The following KRIT1 variants were observed in gnomAD, a reference collection of about 807,000 sequenced individuals.
KRIT1 encodes KRIT1 ankyrin repeat containing.
In KRIT1, 45 loss-of-function variants were observed where a neutral mutation model predicts 95.8. The observed-to-expected ratio is 0.47, with a 90% CI of 0.37 to 0.60. The LOEUF is 0.60. KRIT1 is among the 20% of genes least tolerant of loss of function. The pLI is 0.00. For missense variants in KRIT1, 788 were observed against 877.5 expected (o/e 0.90, Z 1.29); for synonymous variants, 282 against 278.8 (o/e 1.01, Z -0.11).
rs891290221 is a variant in KRIT1, at chr7:92,222,857, T to C, written c.1376A>G (p.Gln459Arg). Reference protein sequence around the residue: ...EGMRLSQETQQYFTIWICSEN... With the variant: ...EGMRLSQETQRYFTIWICSEN... ...TGAACAAATCCATATAGTGAAATAT[T>C]GCTGAGTTTCTTGAGAGAGACGCAT... The change falls in exon 13 of 19, where the codon CAA (glutamine) becomes CGA (arginine). Residue 459 changes from glutamine to arginine, a missense_variant. Transcript: ENST00000394505. 2 of 1,608,458 alleles carry C rather than the reference T, an allele frequency of 1.2e-6. No individual in the cohort carries two copies. The highest frequency in any genetic ancestry group is 1.7e-5 in the Admixed American group (1 of 59,988).
At chr7:92,220,480 T>A (rs1452283362) in intron 14 of KRIT1, among the ~76,000 whole-genome samples, 1 of 152,178 alleles carries the variant, frequency 6.6e-6, no homozygotes, top group Non-Finnish European at 1.5e-5. Flanking sequence ...ACAAAATGTT[T>A]ACCAAGTTTG....
At position 92,214,683 on chromosome 7, in the gene KRIT1, G is replaced by A. The variant is rs1368297691; in HGVS notation, c.1658C>T (p.Thr553Ile). The A allele has an allele frequency of 1.9e-6, 3 of 1,611,104 alleles. No homozygotes were observed. The highest frequency in any genetic ancestry group is 3.3e-5 in the Admixed American group (2 of 59,990). Residue 553 changes from threonine to isoleucine, a missense_variant, in exon 15 of 19, where the codon ACA (threonine) becomes ATA (isoleucine). Transcript: ENST00000394505. ...FYTAPDAKLI[T>I]LASLLLQIVY... ...TATTTGCAAAAGCAGACTTGCCAAT[G>A]TTATCAGCTTAGCATCAGGAGCTGT... is the stretch of plus-strand genomic sequence containing the variant.
In KRIT1 at chr7:92,201,642, C is replaced by T. The variant is rs549020661; in HGVS notation, c.2026-219G>A. The T allele has an allele frequency of 1.3e-4, 62 of 479,518 alleles. No individual in the cohort carries two copies. In the East Asian group the frequency reaches 1.8e-3, roughly 14 times the overall value. 29.7% of individuals were successfully genotyped at this position (479,518 alleles called of 1,614,324 possible). ...TGGTGGTTTGCTGCACCCATCAACC[C>T]GTCACCTACATTAGATATTTCTCCT... On this transcript the variant is annotated intron_variant, in intron 17 of 18. Transcript: ENST00000394505.
chr7:92,217,985 T>C (rs764263519), intron 14 of KRIT1, among the ~76,000 whole-genome samples: 2 of 152,202 alleles, frequency 1.3e-5, no homozygotes, highest in South Asian at 4.1e-4. Flanking sequence ...TTAATTTGCA[T>C]TTCCCTAATA....
chr7:92,225,952 T>TTGTG, intron 11 of KRIT1, 125 bp from the exon 12 acceptor site: 1 of 650,890 alleles, frequency 1.5e-6, no homozygotes, highest in South Asian at 1.8e-5. Context: ...AAGTAAATAT[T>TTGTG]AACCACACTT....
chr7:92,226,659 C>T lies in KRIT1; in HGVS notation c.1013G>A (p.Arg338His), dbSNP rs757160047. 9 of 1,613,006 alleles carry T rather than the reference C, an allele frequency of 5.6e-6. No individual in the cohort carries two copies. The highest frequency in any genetic ancestry group is 4.5e-5 in the East Asian group (2 of 44,792). ...ACWYGKVEAT[R>H]ILLEKGKCNP... ...GCACTTTCCTTTCTCTAACAATATGCGAGTGGCCTCAACTTTTCCATACCT... is the reference window on the plus strand; with the variant it reads ...GCACTTTCCTTTCTCTAACAATATGTGAGTGGCCTCAACTTTTCCATACCT... Residue 338 changes from arginine (R) to histidine (H), a missense_variant, in exon 11 of 19, where the codon CGC becomes CAC. Coordinates refer to ENST00000394505, the MANE Select transcript of KRIT1 (RefSeq NM_194454.3).
At chr7:92,238,211 T>C (rs1429404152) in intron 5 of KRIT1, among the ~76,000 whole-genome samples, 1 of 152,202 alleles carries the variant, frequency 6.6e-6, no homozygotes, top group African/African-American at 2.4e-5. Flanking sequence ...AAAATCTGAT[T>C]GGGCTACAAA....
chr7:92,221,344 C>T (rs555763588), intron 14 of KRIT1, among the ~76,000 whole-genome samples: 1 of 152,110 alleles, frequency 6.6e-6, no homozygotes, highest in Non-Finnish European at 1.5e-5. Flanking sequence ...GAGGCTGAGG[C>T]ACGAGAACTG....
chr7:92,228,290 T>C (rs2131553616), intron 10 of KRIT1, among the ~76,000 whole-genome samples: 1 of 152,304 alleles, frequency 6.6e-6, no homozygotes, highest in South Asian at 2.1e-4. Context: ...AACCTCTTGG[T>C]TACAGCCAAA....
chr7:92,225,998 A>T (rs1009217148), intron 11 of KRIT1, among the ~76,000 whole-genome samples, 171 bp from the exon 12 acceptor site: 59 of 152,232 alleles, frequency 3.9e-4, no homozygotes, highest in African/African-American at 1.4e-3. Flanking sequence ...AAGAGTTGCC[A>T]AGATAAAAGA....
At position 92,242,153 on chromosome 7, in the gene KRIT1, A is replaced by T. The variant is rs747844999; in HGVS notation, c.-2-16T>A. 1.8e-5 allele frequency: 25 copies of T among 1,394,000 alleles called. No homozygotes were observed. The Admixed American group carries it at 3.7e-4, about 21-fold the overall frequency. The allele number at this position is 1,394,000 out of a possible 1,614,324, so 86.4% of individuals were successfully genotyped here. On this transcript the variant is annotated splice_polypyrimidine_tract_variant and intron_variant, in intron 3 of 18. Transcript: ENST00000394505. The stretch of plus-strand genomic sequence containing the variant: ...TTTCCCATTGCTTTACAAAACAAAT[A>T]AAAAAATCCTTTGAAAGATTAAATG...
intron 3 of KRIT1, among the ~76,000 whole-genome samples, chr7:92,243,375 A>G (rs1255344053): frequency 6.6e-6 from 1 of 152,184 alleles, no homozygotes; most frequent in Non-Finnish European, 1.5e-5. Context: ...TTTATTTGTC[A>G]GTAAATTTCT....
In KRIT1 at chr7:92,201,404, T is replaced by A; in HGVS notation, c.2045A>T (p.Lys682Met). The change falls in exon 18 of 19, where the codon AAG becomes ATG. Residue 682 changes from lysine to methionine, a missense_variant. Physicochemically the swap from Lys to Met is moderately conservative, Grantham distance 95. Around this residue, in one of 3 missense-constraint regions of KRIT1, gnomAD observed 493 missense variants for 582.3 expected, o/e 0.85. Transcript: ENST00000394505. ...METKALLISL[K>M]YGCFMWQLGD... is the part of the protein sequence containing the mutation. ...CAATTGCCACATAAAACAACCATAC[T>A]TAAGACTGATGAGTAAAGCCTGCAA... is the stretch of plus-strand genomic sequence containing the variant. 2 of 1,554,282 alleles carry A rather than the reference T, an allele frequency of 1.3e-6. No individual in the cohort carries two copies. Among genetic ancestry groups the A allele is most frequent in the South Asian group, 1.1e-5 (1 of 89,880 alleles).
chr7:92,232,988 C>T (rs886422828), intron 10 of KRIT1, among the ~76,000 whole-genome samples: 1 of 151,972 alleles, frequency 6.6e-6, no homozygotes, highest in Admixed American at 6.6e-5. Context: ...CCACTGCACC[C>T]GGCTGCATGT....
At chr7:92,234,396 T>TATA in intron 10 of KRIT1, 53 bp downstream of exon 10, 1 of 1,338,314 alleles carries the variant, frequency 7.5e-7, no homozygotes. Flanking sequence ...GACTAACATT[T>TATA]ATAATAAAAA....
At chr7:92,234,683 A>T in intron 9 of KRIT1, 91 bp from the exon 10 acceptor site, 1 of 1,230,178 alleles carries the variant, frequency 8.1e-7, no homozygotes, top group South Asian at 1.2e-5. Flanking sequence ...GCTCTGTATC[A>T]CTAAGAAGCT....
chr7:92,225,692 T>C (rs757926705), intron 12 of KRIT1, 28 bp downstream of exon 12: 8 of 1,147,410 alleles, frequency 7.0e-6, no homozygotes, highest in Admixed American at 1.7e-5. Context: ...ATACTATGCC[T>C]GGCTCTAACT....
intron 14 of KRIT1, among the ~76,000 whole-genome samples, chr7:92,215,397 GT>G (rs1425526713): frequency 6.6e-6 from 1 of 152,174 alleles, no homozygotes; most frequent in Non-Finnish European, 1.5e-5. Flanking sequence ...TAAAAAGCCT[GT>G]TGTAAGACAT....
intron 14 of KRIT1, among the ~76,000 whole-genome samples, chr7:92,218,749 C>T (rs1794516095): frequency 6.6e-6 from 1 of 151,962 alleles, no homozygotes; most frequent in Non-Finnish European, 1.5e-5. Flanking sequence ...GGATAGTAAA[C>T]CCTTATCTAT....
Sources: gnomAD v4.1 joint callset for allele counts (sites outside exome capture counted in the v4.1 genomes callset) on GRCh38, gnomAD v4.1.1 for gene constraint, gnomAD v4.1.1 regional missense constraint, MANE v1.5 for transcripts, NCBI Gene and HGNC (gene_info 2026-07-23, HGNC 2026-07-21) for gene names.